The following FAF1 variants were observed in gnomAD, a reference collection of about 807,000 sequenced individuals.
FAF1 encodes FAS-associated factor 1.
Under a neutral mutation model 92.5 loss-of-function variants are expected in FAF1, and 25 were observed. The ratio of observed to expected loss-of-function variants is 0.27; its 90% CI spans 0.20 to 0.38. FAF1 has a LOEUF of 0.38. Ranked by LOEUF, FAF1 falls within the 10% of genes least tolerant of loss-of-function variation. The pLI, the probability that FAF1 is intolerant of heterozygous loss-of-function variation, is 1.00. For missense variants in FAF1, 636 were observed against 793.3 expected (o/e 0.80, Z 2.38); for synonymous variants, 234 against 273.2 (o/e 0.86, Z 1.42).
At chr1:50,674,953 C>T (rs1271484206) in intron 7 of FAF1, among the ~76,000 whole-genome samples, 4 of 151,726 alleles carry the variant, frequency 2.6e-5, no homozygotes, top group South Asian at 2.1e-4. Context: ...TGCAGTGGCG[C>T]GATCTTGGCT....
chr1:50,691,544 C>G (rs1656924178), intron 7 of FAF1, among the ~76,000 whole-genome samples: 1 of 151,952 alleles, frequency 6.6e-6, no homozygotes, highest in East Asian at 1.9e-4. Context: ...ATACAGCCTA[C>G]CTTTTAAAAT....
At chr1:50,596,512 G>A (rs1651823811) in intron 8 of FAF1, among the ~76,000 whole-genome samples, 1 of 152,108 alleles carries the variant, frequency 6.6e-6, no homozygotes, top group Non-Finnish European at 1.5e-5. Context: ...CTGCCTCAAT[G>A]TGCGTCTGCT....
At chr1:50,823,529 C>A (rs1390537232) in intron 2 of FAF1, among the ~76,000 whole-genome samples, 1 of 152,114 alleles carries the variant, frequency 6.6e-6, no homozygotes, top group Non-Finnish European at 1.5e-5. Context: ...ATCCTTGACT[C>A]CCTCTTCATC....
chr1:50,649,856 T>A (rs376972312), intron 8 of FAF1, among the ~76,000 whole-genome samples: 1 of 151,080 alleles, frequency 6.6e-6, no homozygotes, highest in South Asian at 2.1e-4. Flanking sequence ...TCCTAGCTAC[T>A]CGGGAGGCTG....
intron 13 of FAF1, among the ~76,000 whole-genome samples, chr1:50,556,462 G>A (rs1482564944): frequency 6.6e-6 from 1 of 152,030 alleles, no homozygotes; most frequent in Non-Finnish European, 1.5e-5. Flanking sequence ...AGACGGGTAT[G>A]CTAAAAACTC....
chr1:50,787,503 T>C (rs1157840793), intron 4 of FAF1, among the ~76,000 whole-genome samples: 3 of 152,214 alleles, frequency 2.0e-5, no homozygotes, highest in African/African-American at 7.2e-5. Flanking sequence ...ACGTGCCATA[T>C]TGTAAACAGT....
intron 8 of FAF1, among the ~76,000 whole-genome samples, chr1:50,614,128 C>A (rs1569582147): frequency 6.6e-6 from 1 of 151,500 alleles, no homozygotes; most frequent in Non-Finnish European, 1.5e-5. Flanking sequence ...CACAAAAAAA[C>A]CAAGAGACAA....
chr1:50,768,093 A>G (rs527555352), intron 4 of FAF1, among the ~76,000 whole-genome samples: 2 of 152,198 alleles, frequency 1.3e-5, no homozygotes, highest in Non-Finnish European at 2.9e-5. Flanking sequence ...AAGTAAAGGG[A>G]CAGAGAAAAA....
chr1:50,654,376 T>TA (rs36000484), intron 8 of FAF1, among the ~76,000 whole-genome samples: 1 of 152,120 alleles, frequency 6.6e-6, no homozygotes, highest in Non-Finnish European at 1.5e-5. Flanking sequence ...TTTTACTTTT[T>TA]AAAAAAACTT....
intron 7 of FAF1, among the ~76,000 whole-genome samples, chr1:50,670,894 C>G (rs1385106476): frequency 6.6e-6 from 1 of 151,936 alleles, no homozygotes; most frequent in Non-Finnish European, 1.5e-5. Flanking sequence ...CCCACCACTG[C>G]ATTCCAGCCT....
intron 4 of FAF1, among the ~76,000 whole-genome samples, chr1:50,767,669 A>G (rs1660627160): frequency 6.6e-6 from 1 of 152,242 alleles, no homozygotes; most frequent in African/African-American, 2.4e-5. Flanking sequence ...AGCATTCTTA[A>G]GGAAAAGAAA....
Position 50,960,106 on chromosome 1 carries a change from G to C in FAF1, c.-295C>G, listed in dbSNP as rs1645304670. Reference sequence around the variant, plus strand: ...GATGTGGGTCCGGTCTTACAGTCGCGGGCCAGGATGAGGGCAGGTTGCGAC... The same window carrying C: ...GATGTGGGTCCGGTCTTACAGTCGCCGGCCAGGATGAGGGCAGGTTGCGAC... On this transcript the variant is annotated 5_prime_UTR_variant, in exon 1 of 19. Coordinates refer to ENST00000396153, the MANE Select transcript of FAF1 (RefSeq NM_007051.3). The C allele has an allele frequency of 1.0e-5, 4 of 387,192 alleles. No individual in the cohort carries two copies. The highest frequency in any genetic ancestry group is 4.5e-5 in the Admixed American group (1 of 22,286). The allele number at this position is 387,192 out of a possible 1,614,324, so 24.0% of individuals were successfully genotyped here. A position where few individuals can be genotyped will look rare whatever the true frequency, so the allele number is the denominator to read the frequency against.
intron 4 of FAF1, among the ~76,000 whole-genome samples, chr1:50,778,215 G>T (rs1285536052): frequency 1.3e-5 from 2 of 152,150 alleles, no homozygotes; most frequent in Non-Finnish European, 2.9e-5. Context: ...ATACACAAAT[G>T]CAATCCAAGG....
At chr1:50,678,605 C>G (rs943914476) in intron 7 of FAF1, among the ~76,000 whole-genome samples, 1 of 151,234 alleles carries the variant, frequency 6.6e-6, no homozygotes, top group African/African-American at 2.4e-5. Flanking sequence ...CACGGTGAAA[C>G]CCCGTCTCTA....
At chr1:50,578,099 C>T (rs1650835511) in intron 12 of FAF1, among the ~76,000 whole-genome samples, 1 of 152,188 alleles carries the variant, frequency 6.6e-6, no homozygotes, top group Non-Finnish European at 1.5e-5. Context: ...GTAATCCCAC[C>T]ACTCCAATAA....
At chr1:50,634,233 A>AT (rs1164099110) in intron 8 of FAF1, among the ~76,000 whole-genome samples, 1 of 151,492 alleles carries the variant, frequency 6.6e-6, no homozygotes, top group Non-Finnish European at 1.5e-5. Flanking sequence ...GCACCCCTCT[A>AT]TTTTTGCACA....
intron 17 of FAF1, among the ~76,000 whole-genome samples, chr1:50,478,174 T>C (rs1172444226): frequency 4.6e-5 from 7 of 151,866 alleles, no homozygotes; most frequent in Non-Finnish European, 1.0e-4. Flanking sequence ...TTCTTTTTTT[T>C]TTTTTTTGAG....
intron 7 of FAF1, among the ~76,000 whole-genome samples, chr1:50,699,136 T>C (rs1047421062): frequency 1.4e-4 from 21 of 151,934 alleles, no homozygotes; most frequent in African/African-American, 5.1e-4. Context: ...AAGTAAACAA[T>C]GCCACTAAAA....
At chr1:50,476,040 A>G (rs780922947) in intron 17 of FAF1, among the ~76,000 whole-genome samples, 30 of 152,176 alleles carry the variant, frequency 2.0e-4, no homozygotes, top group Non-Finnish European at 4.3e-4. Context: ...AAGCTATTAG[A>G]TGCATTCAGA....
Sources: allele counts gnomAD v4.1 joint callset (sites outside exome capture counted in the v4.1 genomes callset), GRCh38; gene constraint gnomAD v4.1.1; transcripts MANE v1.5; gene names NCBI Gene and HGNC (gene_info 2026-07-23, HGNC 2026-07-21).